SH3D19: variants seen among roughly 807,000 people sequenced by gnomAD.
SH3D19 encodes the protein SH3 domain-containing protein 19.
SH3D19 carries 58 observed loss-of-function variants against 112.1 expected under a neutral mutation model. That is an observed-to-expected ratio of 0.52 (90% CI 0.42 to 0.64). SH3D19 has a LOEUF of 0.64. SH3D19 is among the 30% of genes least tolerant of loss of function. The pLI, the probability that SH3D19 is intolerant of heterozygous loss-of-function variation, is 0.00. For synonymous variants in SH3D19, 391 were observed against 448.5 expected, an observed-to-expected ratio of 0.87 and a Z score of 1.62; for missense variants, 1,090 against 1,263.4, an observed-to-expected ratio of 0.86 and a Z score of 2.08.
At chr4:151,318,481 C>CA (rs1374724384) in intron 1 of SH3D19, among the ~76,000 whole-genome samples, 1 of 151,980 alleles carries the variant, frequency 6.6e-6, no homozygotes, top group East Asian at 1.9e-4. Context: ...CAAAGAAAAG[C>CA]AACTACATTT....
chr4:151,122,660 A>G (rs1172291769), intron 19 of SH3D19, among the ~76,000 whole-genome samples: 1 of 152,120 alleles, frequency 6.6e-6, no homozygotes, highest in Non-Finnish European at 1.5e-5. Context: ...GGGATTGCCA[A>G]CTCATTAGGG....
At chr4:151,280,366 C>T (rs140504214) in intron 1 of SH3D19, among the ~76,000 whole-genome samples, 16 of 152,234 alleles carry the variant, frequency 1.1e-4, no homozygotes, top group Admixed American at 2.6e-4. Flanking sequence ...AGCCTACCAA[C>T]GTGAGTTTGG....
At chr4:151,216,779 T>A (rs907741327) in intron 2 of SH3D19, among the ~76,000 whole-genome samples, 17 of 152,130 alleles carry the variant, frequency 1.1e-4, no homozygotes, top group Middle Eastern at 3.2e-3. Flanking sequence ...ACTTTTCAAT[T>A]ACCCAACTGC....
At chr4:151,278,787 T>C in intron 1 of SH3D19, among the ~76,000 whole-genome samples, 1 of 152,282 alleles carries the variant, frequency 6.6e-6, no homozygotes, top group Middle Eastern at 3.4e-3. Flanking sequence ...TGCACCATCA[T>C]GTCAGGCTAA....
intron 1 of SH3D19, among the ~76,000 whole-genome samples, chr4:151,279,612 C>T (rs374926327): frequency 5.3e-5 from 8 of 152,198 alleles, no homozygotes; most frequent in Admixed American, 4.6e-4. Flanking sequence ...GAGCTACAAT[C>T]AGGGGAGTGG....
intron 7 of SH3D19, among the ~76,000 whole-genome samples, chr4:151,173,120 A>C (rs1448638082): frequency 1.3e-5 from 2 of 152,230 alleles, no homozygotes; most frequent in East Asian, 3.8e-4. Flanking sequence ...TAGATGATAC[A>C]AAATAAATTC....
chr4:151,152,899 G>A (rs888524069), intron 9 of SH3D19, among the ~76,000 whole-genome samples: 1 of 149,496 alleles, frequency 6.7e-6, no homozygotes, highest in Admixed American at 6.7e-5. Flanking sequence ...GTAGTGGCAC[G>A]ATCTTGGCTC....
At chr4:151,167,264 C>A (rs1358422383) in intron 7 of SH3D19, among the ~76,000 whole-genome samples, 1 of 151,850 alleles carries the variant, frequency 6.6e-6, no homozygotes, top group African/African-American at 2.4e-5. Context: ...TTAGATTTAA[C>A]CAAATTCCTT....
rs774532757 is a variant in SH3D19 at position 151,175,002 on chromosome 4, C to T, written c.1202G>A (p.Gly401Glu). 6.2e-7 allele frequency: 1 copy of T among 1,614,202 alleles called. No individual in the cohort carries two copies. The highest frequency in any genetic ancestry group is 8.5e-7 in the Non-Finnish European group (1 of 1,180,030). Residue 401 changes from glycine (G) to glutamate (E), a missense_variant, in exon 7 of 20, where the codon GGA (glycine) becomes GAA (glutamate). By Grantham distance (98) the Gly-to-Glu change is moderately conservative. Transcript: ENST00000604030. ...AGAGCTCTCAGCCAGGGGCCCTCTT[C>T]CCGGAATCTCAGGATTAACACTTCG... is the stretch of plus-strand genomic sequence containing the variant. Reference protein sequence around the residue: ...LIRSVNPEIPGRGPLAESSDS... With the variant: ...LIRSVNPEIPERGPLAESSDS...
At chr4:151,297,487 T>A (rs563113574) in intron 1 of SH3D19, among the ~76,000 whole-genome samples, 1 of 152,116 alleles carries the variant, frequency 6.6e-6, no homozygotes, top group African/African-American at 2.4e-5. Flanking sequence ...CTGCTTTTAG[T>A]GAAAATTAGT....
chr4:151,167,260 T>A (rs1445706223), intron 7 of SH3D19, among the ~76,000 whole-genome samples: 1 of 152,004 alleles, frequency 6.6e-6, no homozygotes, highest in Non-Finnish European at 1.5e-5. Flanking sequence ...GTTTTTAGAT[T>A]TAACCAAATT....
At chr4:151,283,234 A>T in intron 1 of SH3D19, 1 of 1,613,858 alleles carries the variant, frequency 6.2e-7, no homozygotes. Context: ...CCAGTCATCA[A>T]GGAAGACAAG....
rs775262799 is a variant in SH3D19, at chr4:151,279,804, C to T, written c.112+45437G>A. On this transcript the variant is annotated intron_variant, in intron 1 of 19. Transcript: ENST00000604030. Reference sequence around the variant, plus strand: ...TTCTTCTCTTTCTCTAGTGTGTGGGCAACCTGTATACTCCAGCCGCGTTGT... The same window carrying T: ...TTCTTCTCTTTCTCTAGTGTGTGGGTAACCTGTATACTCCAGCCGCGTTGT... The T allele has an allele frequency of 5.0e-6, 8 of 1,612,886 alleles. No individual in the cohort carries two copies. In the African/African-American group the frequency reaches 1.1e-4, roughly 22 times the overall value.
At chr4:151,150,215 A>ATG (rs1754723246) in intron 9 of SH3D19, among the ~76,000 whole-genome samples, 1 of 56,698 alleles carries the variant, frequency 1.8e-5, no homozygotes, top group Non-Finnish European at 5.5e-5. Context: ...AAATATATAT[A>ATG]TATATATATA....
At chr4:151,135,236 T>C (rs1020507926) in intron 14 of SH3D19, 104 bp from the exon 15 acceptor site, 2 of 850,584 alleles carry the variant, frequency 2.4e-6, no homozygotes, top group African/African-American at 3.5e-5. Flanking sequence ...ATCGATCGGT[T>C]TAGCTAGGTG....
At chr4:151,277,104 C>G (rs1773703065) in intron 1 of SH3D19, 2 of 1,220,872 alleles carry the variant, frequency 1.6e-6, no homozygotes, top group Admixed American at 2.9e-5. Context: ...TGGCAGCTCC[C>G]CATTGGCCTC....
At chr4:151,128,389 TA>T (rs773627546) in intron 17 of SH3D19, 33 bp from the exon 18 acceptor site, 32 of 1,534,248 alleles carry the variant, frequency 2.1e-5, no homozygotes, top group Non-Finnish European at 2.7e-5. Flanking sequence ...GTCAGAAGTG[TA>T]AGATTTTATT....
At chr4:151,248,758 T>C (rs1188204599) in intron 1 of SH3D19, among the ~76,000 whole-genome samples, 3 of 152,240 alleles carry the variant, frequency 2.0e-5, no homozygotes, top group African/African-American at 7.2e-5. Context: ...GTCCAATATA[T>C]TCTTCCTCTT....
At chr4:151,292,108 C>A (rs2150020094) in intron 1 of SH3D19, among the ~76,000 whole-genome samples, 1 of 152,216 alleles carries the variant, frequency 6.6e-6, no homozygotes, top group South Asian at 2.1e-4. Flanking sequence ...TGAAGACCAG[C>A]CTGGGCAACA....
Sources: gnomAD v4.1 joint callset for allele counts (sites outside exome capture counted in the v4.1 genomes callset) on GRCh38, gnomAD v4.1.1 for gene constraint, MANE v1.5 for transcripts, NCBI Gene and HGNC (gene_info 2026-07-23, HGNC 2026-07-21) for gene names.